Variants in ATM observed in about 807,000 individuals in gnomAD.
ATM encodes the protein ATM serine/threonine kinase.
ATM carries 308 observed loss-of-function variants against 387.0 expected under a neutral mutation model. The ratio of observed to expected loss-of-function variants is 0.80; its 90% CI spans 0.73 to 0.87. ATM has a LOEUF of 0.87. ATM is among the 40% of genes least tolerant of loss of function. The pLI, the probability that ATM is intolerant of heterozygous loss-of-function variation, is 0.00. For synonymous variants in ATM, 1,156 were observed against 1,187.3 expected, an observed-to-expected ratio of 0.97 and a Z score of 0.54; for missense variants, 3,312 against 3,560.9, an observed-to-expected ratio of 0.93 and a Z score of 1.78.
In ATM at chr11:108,279,578, C is replaced by G. The variant is rs587779833; in HGVS notation, c.3372C>G (p.Tyr1124Ter). ...AGCAAACAGCTTTTGAAAATGCATA[C>G]TTGAAAGCTCAGGAAGGAATGAGAG... ...KLQQTAFENA[Y>*]LKAQEGMREM... The change falls in exon 23 of 63, where the codon TAC becomes TAG. Residue 1124 changes from tyrosine (Y) to a stop codon, truncating the protein, a stop_gained. Transcript: ENST00000675843. LOFTEE classifies it high-confidence loss of function. 4 of 1,612,656 alleles carry G rather than the reference C, an allele frequency of 2.5e-6. No homozygotes were observed. Among genetic ancestry groups the G allele is most frequent in the Non-Finnish European group, 3.4e-6 (4 of 1,178,922 alleles).
chr11:108,364,004 T>G (rs2091074676), intron 61 of ATM, among the ~76,000 whole-genome samples: 1 of 152,310 alleles, frequency 6.6e-6, no homozygotes, highest in Admixed American at 6.5e-5. Flanking sequence ...TGAAGTCACA[T>G]AGGAAACCTT....
chr11:108,266,516 G>A (rs1346236929), intron 16 of ATM, among the ~76,000 whole-genome samples: 53 of 141,342 alleles, frequency 3.7e-4, no homozygotes, highest in Non-Finnish European at 4.5e-4. Context: ...GGATAGCATT[G>A]GGAGATATAC....
At chr11:108,309,537 A>G (rs2135998932) in intron 38 of ATM, among the ~76,000 whole-genome samples, 1 of 152,248 alleles carries the variant, frequency 6.6e-6, no homozygotes, top group African/African-American at 2.4e-5. Context: ...CTAGATTTGA[A>G]CCTACCTGTA....
intron 36 of ATM, among the ~76,000 whole-genome samples, chr11:108,303,270 A>G (rs1198543894): frequency 6.6e-6 from 1 of 152,170 alleles, no homozygotes; most frequent in African/African-American, 2.4e-5. Flanking sequence ...GATAGTTAAA[A>G]TACTGCTGAT....
At chr11:108,360,378 C>G (rs1173867083) in intron 61 of ATM, among the ~76,000 whole-genome samples, 4 of 149,446 alleles carry the variant, frequency 2.7e-5, no homozygotes, top group African/African-American at 1.0e-4. Flanking sequence ...CAAGGAGGAA[C>G]TGGTACCATT....
chr11:108,256,374 A>G (rs3218705), intron 14 of ATM, 34 bp downstream of exon 14: 6 of 1,587,200 alleles, frequency 3.8e-6, no homozygotes, highest in South Asian at 1.1e-5. Context: ...GTTTCGGATA[A>G]ATTTGAATGA....
chr11:108,336,126 A>C, intron 56 of ATM, 165 bp downstream of exon 56: 1 of 567,602 alleles, frequency 1.8e-6, no homozygotes, highest in South Asian at 2.1e-5. Context: ...GTGAGACCCC[A>C]TCTTGACAAA....
At chr11:108,307,567 T>C (rs2083786198) in intron 37 of ATM, among the ~76,000 whole-genome samples, 1 of 152,252 alleles carries the variant, frequency 6.6e-6, no homozygotes, top group African/African-American at 2.4e-5. Context: ...TGTCCCAGGC[T>C]AGTCAGTGAG....
At chr11:108,321,253 G>T (rs1246372143) in intron 44 of ATM, 48 bp from the exon 45 acceptor site, 4 of 1,610,934 alleles carry the variant, frequency 2.5e-6, no homozygotes, top group Non-Finnish European at 3.4e-6. Flanking sequence ...TTATTTCCCT[G>T]AAAACCTCTT....
intron 43 of ATM, among the ~76,000 whole-genome samples, chr11:108,318,393 T>G (rs1199420704): frequency 6.6e-6 from 1 of 150,520 alleles, no homozygotes; most frequent in Admixed American, 6.6e-5. Context: ...AAAAATAATA[T>G]GCCTACTCAG....
At chr11:108,281,793 G>T (rs963179072) in intron 24 of ATM, among the ~76,000 whole-genome samples, 1 of 152,062 alleles carries the variant, frequency 6.6e-6, no homozygotes, top group African/African-American at 2.4e-5. Flanking sequence ...AGTTTCCATG[G>T]TGCTTTGGAG....
intron 40 of ATM, among the ~76,000 whole-genome samples, chr11:108,312,833 G>C (rs1027151517): frequency 2.6e-5 from 4 of 152,120 alleles, no homozygotes; most frequent in Non-Finnish European, 5.9e-5. Context: ...TTGTTTGCTT[G>C]TTTATTGTAT....
At chr11:108,313,490 T>A (rs2084348233) in intron 40 of ATM, among the ~76,000 whole-genome samples, 1 of 152,220 alleles carries the variant, frequency 6.6e-6, no homozygotes, top group African/African-American at 2.4e-5. Context: ...AGTCTGGTGG[T>A]CACCTTTCAT....
At chr11:108,261,768 C>G (rs189768034) in intron 16 of ATM, among the ~76,000 whole-genome samples, 2 of 152,058 alleles carry the variant, frequency 1.3e-5, no homozygotes, top group East Asian at 3.9e-4. Flanking sequence ...CTAGAATAAC[C>G]AATACAGAGA....
chr11:108,329,698 ACTGTGCCCTGT>A (rs1486027601), intron 49 of ATM, among the ~76,000 whole-genome samples: 1 of 152,238 alleles, frequency 6.6e-6, no homozygotes, highest in Non-Finnish European at 1.5e-5. Context: ...GGTGTGAGGC[ACTGTGCCCTGT>A]CTGTCTTGGT....
At position 108,335,887 on chromosome 11, in the gene ATM, T is replaced by G. The variant is rs876659619; in HGVS notation, c.8194T>G (p.Phe2732Val). Reference protein sequence around the residue: ...LRQDAVMQQVFQMCNTLLQRN... With the variant: ...LRQDAVMQQVVQMCNTLLQRN... The stretch of plus-strand genomic sequence containing the variant: ...ACAAGATGCTGTCATGCAACAGGTC[T>G]TCCAGATGTGTAATACATTACTGCA... Residue 2732 changes from phenylalanine to valine, a missense_variant, in exon 56 of 63, where the codon TTC becomes GTC. Phe to Val is a conservative substitution (Grantham distance 50, BLOSUM62 -1). Transcript: ENST00000675843. 2.5e-6 allele frequency: 4 copies of G among 1,614,110 alleles called. No homozygotes were observed. The highest frequency in any genetic ancestry group is 3.4e-6 in the Non-Finnish European group (4 of 1,179,982).
intron 6 of ATM, 62 bp from the exon 7 acceptor site, chr11:108,244,726 G>A (rs2079745927): frequency 7.8e-7 from 1 of 1,274,978 alleles, no homozygotes; most frequent in Non-Finnish European, 1.1e-6. Flanking sequence ...CTTCATAACT[G>A]TTCAGTTTGT....
chr11:108,248,332 T>C (rs1309196643), intron 8 of ATM, among the ~76,000 whole-genome samples: 1 of 152,178 alleles, frequency 6.6e-6, no homozygotes, highest in African/African-American at 2.4e-5. Context: ...TTGAATCCCT[T>C]TGAAAGTAAA....
chr11:108,343,421 A>G (rs749605198), intron 57 of ATM, 50 bp downstream of exon 57: 1 of 1,602,826 alleles, frequency 6.2e-7, no homozygotes, highest in Non-Finnish European at 8.5e-7. Context: ...TTAATGGCTT[A>G]TTAAAGCTGA....
Sources: allele counts gnomAD v4.1 joint callset (sites outside exome capture counted in the v4.1 genomes callset), GRCh38; gene constraint gnomAD v4.1.1; transcripts MANE v1.5; gene names NCBI Gene and HGNC (gene_info 2026-07-23, HGNC 2026-07-21).